The following CNTRL variants were observed in gnomAD, a reference collection of about 807,000 sequenced individuals.
CNTRL encodes 110 kDa centrosomal protein.
A neutral mutation model predicts 303.7 loss-of-function variants in CNTRL; 233 were observed. That is an observed-to-expected ratio of 0.77 (90% CI 0.69 to 0.86). The LOEUF is 0.86. Among genes scored for constraint, CNTRL ranks in the 40% least tolerant of loss-of-function variants. CNTRL has a pLI of 0.00. For missense variants in CNTRL, 2,524 were observed against 2,650.6 expected (o/e 0.95, Z 1.05); for synonymous variants, 900 against 922.2 (o/e 0.98, Z 0.44).
intron 15 of CNTRL, among the ~76,000 whole-genome samples, chr9:121,136,936 A>G (rs2051231214): frequency 6.6e-6 from 1 of 152,206 alleles, no homozygotes; most frequent in African/African-American, 2.4e-5. Context: ...GTTTCAGCTG[A>G]TGGCTGATGG....
intron 14 of CNTRL, 119 bp downstream of exon 14, chr9:121,126,055 G>A: frequency 1.3e-6 from 1 of 742,678 alleles, no homozygotes; most frequent in Admixed American, 2.8e-5. Flanking sequence ...TGGCTATATG[G>A]TGATTTTTTT....
chr9:121,113,423 G>A, intron 9 of CNTRL, 79 bp from the exon 10 acceptor site: 1 of 692,090 alleles, frequency 1.4e-6, no homozygotes, highest in South Asian at 2.5e-5. Flanking sequence ...TGATATGTTT[G>A]CCACTAATAA....
chr9:121,165,188 A>G, intron 35 of CNTRL, 88 bp downstream of exon 35: 1 of 1,273,886 alleles, frequency 7.9e-7, no homozygotes, highest in Non-Finnish European at 1.1e-6. Context: ...AATTCCTGCT[A>G]ATGAGCATGG....
Position 121,142,188 on chromosome 9 carries a change from A to G in CNTRL, c.2789A>G (p.Gln930Arg). The G allele has an allele frequency of 6.2e-7, 1 of 1,613,230 alleles. No homozygotes were observed. Among genetic ancestry groups the G allele is most frequent in the East Asian group, 2.2e-5 (1 of 44,856 alleles). Reference sequence around the variant, plus strand: ...AATCTAAAAAGTATGGAGGAAATCCAAGGCCTTACAGATCTCCAACTTCAG... The same window carrying G: ...AATCTAAAAAGTATGGAGGAAATCCGAGGCCTTACAGATCTCCAACTTCAG... ...QENLKSMEEI[Q>R]GLTDLQLQEA... Residue 930 changes from glutamine to arginine, a missense_variant, in exon 19 of 44, where the codon CAA (glutamine) becomes CGA (arginine). Transcript: ENST00000373855.
chr9:121,088,202 A>G (rs1158933476), intron 2 of CNTRL, 94 bp from the exon 3 acceptor site: 2 of 649,662 alleles, frequency 3.1e-6, no homozygotes, highest in Admixed American at 5.8e-5. Flanking sequence ...ATGGCCTCTG[A>G]GTTTATAACT....
chr9:121,098,276 T>G (rs1187109026), intron 6 of CNTRL, 110 bp from the exon 7 acceptor site: 1 of 808,334 alleles, frequency 1.2e-6, no homozygotes, highest in East Asian at 2.7e-5. Context: ...GGTAATTGGC[T>G]TCATGAATAG....
At chr9:121,143,458 T>C (rs1489756263) in intron 19 of CNTRL, among the ~76,000 whole-genome samples, 1 of 152,184 alleles carries the variant, frequency 6.6e-6, no homozygotes, top group African/African-American at 2.4e-5. Flanking sequence ...TGTAGCTTCC[T>C]TTGTTCTTAG....
At chr9:121,118,782 CT>C (rs1250966063) in intron 12 of CNTRL, among the ~76,000 whole-genome samples, 1 of 152,090 alleles carries the variant, frequency 6.6e-6, no homozygotes, top group East Asian at 1.9e-4. Context: ...CATGTACAGA[CT>C]TTTTTTCATT....
rs932846819 is a variant in CNTRL at position 121,148,788 on chromosome 9, A to G, written c.3576A>G (p.Gln1192=). ...PGQQDGKEGS[Q]PPPASGYWVY... ...AGCAGGATGGGAAGGAAGGCAGTCAACCTCCCCCTGCCTCAGGATACTGGG... is the reference window on the plus strand; with the variant it reads ...AGCAGGATGGGAAGGAAGGCAGTCAGCCTCCCCCTGCCTCAGGATACTGGG... The change falls in exon 24 of 44, where the codon CAA becomes CAG. Residue 1192 remains glutamine, a synonymous_variant. Transcript: ENST00000373855. 2.5e-6 allele frequency: 4 copies of G among 1,613,436 alleles called. No individual in the cohort carries two copies. Among genetic ancestry groups the G allele is most frequent in the African/African-American group, 1.3e-5 (1 of 74,732 alleles).
At chr9:121,096,661 A>G in intron 6 of CNTRL, 98 bp downstream of exon 6, 1 of 1,035,198 alleles carries the variant, frequency 9.7e-7, no homozygotes, top group Non-Finnish European at 1.3e-6. Flanking sequence ...TCTTTTAAAG[A>G]TTTTGCTCCT....
intron 34 of CNTRL, among the ~76,000 whole-genome samples, chr9:121,163,121 C>G (rs957804446): frequency 6.6e-6 from 1 of 150,902 alleles, no homozygotes; most frequent in East Asian, 1.9e-4. Context: ...AGGAGGATCA[C>G]TTGAGCCCAG....
At chr9:121,167,785 G>A in intron 37 of CNTRL, 108 bp downstream of exon 37, 1 of 957,056 alleles carries the variant, frequency 1.0e-6, no homozygotes, top group Non-Finnish European at 1.6e-6. Context: ...GGGACTATGT[G>A]TCCCTTAACT....
chr9:121,152,923 G>A (rs1056260938), intron 26 of CNTRL, among the ~76,000 whole-genome samples: 2 of 152,144 alleles, frequency 1.3e-5, no homozygotes, highest in Non-Finnish European at 2.9e-5. Context: ...AGCAATACAG[G>A]TCTGAGTTCT....
intron 2 of CNTRL, among the ~76,000 whole-genome samples, chr9:121,081,504 T>C (rs552183286): frequency 6.6e-6 from 1 of 152,310 alleles, no homozygotes; most frequent in African/African-American, 2.4e-5. Flanking sequence ...AAGTAGTAGA[T>C]TGCCACCTAT....
chr9:121,113,777 A>G, intron 10 of CNTRL, 53 bp downstream of exon 10: 1 of 1,210,614 alleles, frequency 8.3e-7, no homozygotes, highest in Non-Finnish European at 1.1e-6. Context: ...AACATTGAAT[A>G]TGTAGGCCAA....
chr9:121,159,376 G>A (rs569363311), intron 31 of CNTRL, among the ~76,000 whole-genome samples: 1 of 152,270 alleles, frequency 6.6e-6, no homozygotes, highest in South Asian at 2.1e-4. Context: ...GCTCACATCT[G>A]TAATCCCAGC....
At chr9:121,084,680 G>T (rs2048277676) in intron 2 of CNTRL, among the ~76,000 whole-genome samples, 1 of 152,088 alleles carries the variant, frequency 6.6e-6, no homozygotes, top group Non-Finnish European at 1.5e-5. Flanking sequence ...GAGCACCTGG[G>T]ATTCCTGGCG....
intron 11 of CNTRL, among the ~76,000 whole-genome samples, chr9:121,117,365 C>A (rs1588147736): frequency 6.6e-6 from 1 of 151,212 alleles, no homozygotes; most frequent in South Asian, 2.1e-4. Context: ...CTTTTTTACA[C>A]TTCTATACAG....
chr9:121,160,561 A>G (rs1315735522), intron 32 of CNTRL, among the ~76,000 whole-genome samples: 3 of 152,242 alleles, frequency 2.0e-5, no homozygotes, highest in Non-Finnish European at 2.9e-5. Flanking sequence ...CAATTGAGGT[A>G]TAAACTGGAA....
Sources: gnomAD v4.1 joint callset for allele counts (sites outside exome capture counted in the v4.1 genomes callset) on GRCh38, gnomAD v4.1.1 for gene constraint, MANE v1.5 for transcripts, NCBI Gene and HGNC (gene_info 2026-07-23, HGNC 2026-07-21) for gene names.